The following RABGAP1L variants were observed in gnomAD, a reference collection of about 807,000 sequenced individuals.
The protein encoded by RABGAP1L is rab GTPase-activating protein 1-like.
RABGAP1L carries 63 observed loss-of-function variants against 137.7 expected under a neutral mutation model. The observed-to-expected ratio is 0.46, with a 90% CI of 0.37 to 0.56. The LOEUF is 0.56. Ranked by LOEUF, RABGAP1L falls within the 20% of genes least tolerant of loss-of-function variation. The pLI is 0.00. For missense variants in RABGAP1L, 1,095 were observed against 1,244.0 expected, an observed-to-expected ratio of 0.88 and a Z score of 1.80; for synonymous variants, 431 against 433.7, an observed-to-expected ratio of 0.99 and a Z score of 0.08.
intron 19 of RABGAP1L, among the ~76,000 whole-genome samples, chr1:174,826,784 C>T (rs1334282798): frequency 1.3e-5 from 2 of 152,188 alleles, no homozygotes; most frequent in Non-Finnish European, 2.9e-5. Flanking sequence ...ATTCCCTTTT[C>T]TCTGCGGCCT....
intron 4 of RABGAP1L, among the ~76,000 whole-genome samples, chr1:174,232,335 A>G (rs1024265845): frequency 6.6e-6 from 1 of 151,522 alleles, no homozygotes; most frequent in Admixed American, 6.6e-5. Flanking sequence ...TAATACAAAA[A>G]TTTGCCACGT....
At chr1:174,358,132 A>C (rs891243483) in intron 11 of RABGAP1L, among the ~76,000 whole-genome samples, 9 of 152,110 alleles carry the variant, frequency 5.9e-5, no homozygotes, top group African/African-American at 2.2e-4. Context: ...TCTAAAAAGG[A>C]ATTCGAGGAA....
chr1:174,801,494 C>A (rs896148088), intron 18 of RABGAP1L, among the ~76,000 whole-genome samples: 2 of 152,174 alleles, frequency 1.3e-5, no homozygotes, highest in Non-Finnish European at 2.9e-5. Context: ...ATAATCTCTT[C>A]TGTACAATCA....
chr1:174,636,406 T>A (rs1674039450), intron 13 of RABGAP1L, among the ~76,000 whole-genome samples: 1 of 151,868 alleles, frequency 6.6e-6, no homozygotes, highest in Non-Finnish European at 1.5e-5. Flanking sequence ...CGGGCACCTG[T>A]AATCCCAGCT....
intron 13 of RABGAP1L, among the ~76,000 whole-genome samples, chr1:174,537,747 A>G (rs1380950579): frequency 6.6e-6 from 1 of 152,192 alleles, no homozygotes; most frequent in African/African-American, 2.4e-5. Flanking sequence ...TCATTGTGGA[A>G]AAGTATGATT....
At chr1:174,400,656 C>A (rs557746857) in intron 13 of RABGAP1L, among the ~76,000 whole-genome samples, 1 of 152,074 alleles carries the variant, frequency 6.6e-6, no homozygotes, top group Non-Finnish European at 1.5e-5. Flanking sequence ...GAGCTATAAG[C>A]AATGGATTAA....
At chr1:174,194,740 G>A (rs988724107) in intron 1 of RABGAP1L, among the ~76,000 whole-genome samples, 15 of 152,156 alleles carry the variant, frequency 9.9e-5, no homozygotes, top group African/African-American at 3.6e-4. Flanking sequence ...AGAAGAAAAA[G>A]CAACAGGAAG....
chr1:174,617,965 G>C (rs982739460), intron 13 of RABGAP1L, among the ~76,000 whole-genome samples: 1 of 152,182 alleles, frequency 6.6e-6, no homozygotes, highest in Non-Finnish European at 1.5e-5. Flanking sequence ...TTTTCCAATG[G>C]TCTTAGCAAA....
At chr1:174,250,755 T>C in intron 6 of RABGAP1L, 123 bp downstream of exon 6, 3 of 836,554 alleles carry the variant, frequency 3.6e-6, no homozygotes, top group Non-Finnish European at 5.3e-6. Context: ...ATTTGGCTGG[T>C]GAATTAATAT....
At chr1:174,635,342 C>T (rs941396579) in intron 13 of RABGAP1L, among the ~76,000 whole-genome samples, 25 of 152,142 alleles carry the variant, frequency 1.6e-4, no homozygotes, top group East Asian at 1.9e-4. Flanking sequence ...TTTTATTCCT[C>T]ATCTTTCAGG....
chr1:174,708,200 C>T (rs576134745), intron 17 of RABGAP1L, among the ~76,000 whole-genome samples: 1 of 152,126 alleles, frequency 6.6e-6, no homozygotes, highest in Admixed American at 6.5e-5. Flanking sequence ...GTATAATTCT[C>T]TCAAAGCAGT....
intron 13 of RABGAP1L, among the ~76,000 whole-genome samples, chr1:174,527,901 C>CTTTTTTTTTTTTTTTT (rs57707616): frequency 1.6e-5 from 2 of 124,840 alleles, no homozygotes; most frequent in African/African-American, 3.1e-5. Context: ...ATATACTTGT[C>CTTTTTTTTTTTTTTTT]TTTTTTTTTT....
At chr1:174,277,822 T>C (rs1675127359) in intron 9 of RABGAP1L, among the ~76,000 whole-genome samples, 1 of 152,180 alleles carries the variant, frequency 6.6e-6, no homozygotes. Flanking sequence ...TCAAGTATAA[T>C]GTCTAACAAA....
chr1:174,363,028 A>ATT (rs145263364), intron 11 of RABGAP1L, among the ~76,000 whole-genome samples: 31,758 of 152,086 alleles, frequency 0.21, 3,642 homozygotes, highest in Admixed American at 0.25. Flanking sequence ...TCCCAGTGCC[A>ATT]TTTATTGAAT....
chr1:174,622,535 TGAG>T (rs1257141508), intron 13 of RABGAP1L, among the ~76,000 whole-genome samples: 2 of 152,204 alleles, frequency 1.3e-5, no homozygotes, highest in Non-Finnish European at 2.9e-5. Flanking sequence ...TAAAATATGA[TGAG>T]TTCATGTCCT....
At chr1:174,578,209 C>G (rs577444021) in intron 13 of RABGAP1L, among the ~76,000 whole-genome samples, 1 of 152,172 alleles carries the variant, frequency 6.6e-6, no homozygotes, top group South Asian at 2.1e-4. Context: ...TTTATTGAGA[C>G]AGTCTCACTC....
chr1:174,349,854 G>A (rs1288339047), intron 11 of RABGAP1L, among the ~76,000 whole-genome samples: 15 of 140,614 alleles, frequency 1.1e-4, no homozygotes, highest in South Asian at 4.7e-4. Context: ...CTGGCCGGGC[G>A]GGGCGCTGAC....
chr1:174,271,077 T>A (rs1674521413), intron 7 of RABGAP1L, among the ~76,000 whole-genome samples: 1 of 152,140 alleles, frequency 6.6e-6, no homozygotes, highest in Non-Finnish European at 1.5e-5. Flanking sequence ...AGGAGAGAGA[T>A]CATAGCAGTA....
chr1:174,969,383 A>T lies in RABGAP1L; in HGVS notation c.2540A>T (p.Asp847Val). The change falls in exon 21 of 26, where the codon GAT (aspartate) becomes GTT (valine). Residue 847 changes from aspartate to valine, a missense_variant. Around this residue, in one of 4 missense-constraint regions of RABGAP1L, gnomAD observed 312 missense variants for 435.6 expected, o/e 0.72. Transcript: ENST00000681986. Reference sequence around the variant, plus strand: ...AAAATTGCTCTACGGAATGACTTGGATCAGGTAATCCTTAGAAATGAGACT... The same window carrying T: ...AAAATTGCTCTACGGAATGACTTGGTTCAGGTAATCCTTAGAAATGAGACT... ...TSKIALRNDL[D>V]QAEDKADVLN... 1 of 1,547,196 alleles carries T rather than the reference A, an allele frequency of 6.5e-7. No individual in the cohort carries two copies. The highest frequency in any genetic ancestry group is 8.7e-7 in the Non-Finnish European group (1 of 1,143,880).
Sources: gnomAD v4.1 joint callset for allele counts (sites outside exome capture counted in the v4.1 genomes callset) on GRCh38, gnomAD v4.1.1 for gene constraint, gnomAD v4.1.1 regional missense constraint, MANE v1.5 for transcripts, NCBI Gene and HGNC (gene_info 2026-07-23, HGNC 2026-07-21) for gene names.